Variants in SYNE2 observed in about 807,000 individuals in gnomAD.
SYNE2 encodes nesprin-2.
SYNE2 carries 431 observed loss-of-function variants against 856.3 expected under a neutral mutation model. The observed-to-expected ratio is 0.50, with a 90% CI of 0.47 to 0.55. The LOEUF (loss-of-function observed/expected upper bound fraction) is 0.55. Ranked by LOEUF, SYNE2 falls within the 20% of genes least tolerant of loss-of-function variation. SYNE2 has a pLI of 0.00. For missense variants in SYNE2, 8,129 were observed against 8,023.2 expected, an observed-to-expected ratio of 1.01 and a Z score of -0.50; for synonymous variants, 2,923 against 2,872.3, an observed-to-expected ratio of 1.02 and a Z score of -0.56.
chr14:63,782,467 CAA>C (rs35413633), intron 1 of SYNE2, among the ~76,000 whole-genome samples: 6 of 49,628 alleles, frequency 1.2e-4, no homozygotes, highest in African/African-American at 2.6e-4. Context: ...AACTCCATCT[CAA>C]AAAAAAAAAA....
At chr14:64,134,868 T>C (rs1016844633) in intron 78 of SYNE2, among the ~76,000 whole-genome samples, 6 of 151,390 alleles carry the variant, frequency 4.0e-5, no homozygotes, top group African/African-American at 1.5e-4. Context: ...GTGCCTGTAA[T>C]CCCAGTTACT....
At chr14:63,862,162 G>A (rs1245154363) in intron 1 of SYNE2, among the ~76,000 whole-genome samples, 1 of 152,120 alleles carries the variant, frequency 6.6e-6, no homozygotes, top group Non-Finnish European at 1.5e-5. Flanking sequence ...GCCATTTCCT[G>A]GTTTCCCTTA....
intron 58 of SYNE2, 39 bp from the exon 59 acceptor site, chr14:64,089,535 C>G: frequency 1.3e-6 from 2 of 1,579,268 alleles, no homozygotes; most frequent in Non-Finnish European, 1.7e-6. Context: ...GATTAATATA[C>G]AATATATATT....
chr14:63,865,724 C>CCAAAA (rs1555352398), intron 1 of SYNE2, among the ~76,000 whole-genome samples: 1 of 95,354 alleles, frequency 1.0e-5, no homozygotes, highest in Non-Finnish European at 2.2e-5. Context: ...ACCCCCCCCC[C>CCAAAA]AAAAAAAAAG....
At chr14:63,950,070 C>G in intron 7 of SYNE2, 64 bp downstream of exon 7, 1 of 1,516,514 alleles carries the variant, frequency 6.6e-7, no homozygotes, top group Non-Finnish European at 9.1e-7. Context: ...CACCACCTCA[C>G]CACCCAAACA....
At chr14:64,095,610 G>A (rs757145140) in intron 61 of SYNE2, among the ~76,000 whole-genome samples, 10 of 151,988 alleles carry the variant, frequency 6.6e-5, no homozygotes, top group South Asian at 2.1e-4. Context: ...TTTTTTTCAC[G>A]TAAAAATAGT....
chr14:64,193,208 C>G (rs1246623777), intron 99 of SYNE2, among the ~76,000 whole-genome samples: 1 of 152,198 alleles, frequency 6.6e-6, no homozygotes, highest in Non-Finnish European at 1.5e-5. Flanking sequence ...CCATCCTTCC[C>G]ACAGTATTCT....
intron 21 of SYNE2, among the ~76,000 whole-genome samples, chr14:63,991,555 A>G (rs1214007174): frequency 2.6e-5 from 4 of 152,222 alleles, no homozygotes; most frequent in African/African-American, 9.6e-5. Context: ...GATAAAAGTT[A>G]TTCATGGAAG....
Position 64,126,642 on chromosome 14 carries a change from C to T in SYNE2, c.13752C>T (p.Asp4584=), listed in dbSNP as rs770594903. 7 of 1,614,198 alleles carry T rather than the reference C, an allele frequency of 4.3e-6. No homozygotes were observed. Among genetic ancestry groups the T allele is most frequent in the Non-Finnish European group, 5.1e-6 (6 of 1,180,034 alleles). The change falls in exon 73 of 116, where the codon GAC becomes GAT. Residue 4584 remains aspartate (D), a synonymous_variant. Coordinates refer to ENST00000555002, the MANE Select transcript of SYNE2 (RefSeq NM_182914.3). The part of the protein sequence containing the change: ...ELKKLYLALS[D]KKGDLLKAMT... Reference sequence around the variant, plus strand: ...AGAAACTTTATTTAGCGCTAAGTGACAAGAAGGGTGATCTTTTGAAAGCCA... The same window carrying T: ...AGAAACTTTATTTAGCGCTAAGTGATAAGAAGGGTGATCTTTTGAAAGCCA...
chr14:63,967,497 C>T (rs956457265), intron 10 of SYNE2, among the ~76,000 whole-genome samples: 1 of 152,160 alleles, frequency 6.6e-6, no homozygotes, highest in African/African-American at 2.4e-5. Context: ...ACACAAAGCA[C>T]AGAGTGAGAC....
intron 1 of SYNE2, among the ~76,000 whole-genome samples, chr14:63,779,028 T>TG (rs1566561014): frequency 6.6e-6 from 1 of 151,926 alleles, no homozygotes; most frequent in Non-Finnish European, 1.5e-5. Flanking sequence ...AAGAAAGAAA[T>TG]TAATCAACAG....
At chr14:64,100,898 T>A (rs998560062) in intron 63 of SYNE2, among the ~76,000 whole-genome samples, 1 of 151,688 alleles carries the variant, frequency 6.6e-6, no homozygotes, top group African/African-American at 2.4e-5. Context: ...AGGGAGATGA[T>A]GTGGTATGTG....
chr14:63,895,515 G>A (rs1344219868), intron 1 of SYNE2, among the ~76,000 whole-genome samples: 1 of 150,526 alleles, frequency 6.6e-6, no homozygotes, highest in Non-Finnish European at 1.5e-5. Context: ...GCACTTTGGA[G>A]GCCAAAGTGC....
chr14:64,064,839 C>T (rs1355994848), intron 50 of SYNE2, among the ~76,000 whole-genome samples: 2 of 147,558 alleles, frequency 1.4e-5, no homozygotes, highest in African/African-American at 5.0e-5. Flanking sequence ...CCACTGTGCC[C>T]AGCCACTTAT....
chr14:63,904,437 T>C (rs1473774179), intron 1 of SYNE2, among the ~76,000 whole-genome samples: 1 of 152,178 alleles, frequency 6.6e-6, no homozygotes, highest in Non-Finnish European at 1.5e-5. Flanking sequence ...ACTTTCCCAC[T>C]GACAGTTTAT....
intron 70 of SYNE2, among the ~76,000 whole-genome samples, chr14:64,123,187 C>T (rs1051523651): frequency 1.3e-5 from 2 of 152,278 alleles, no homozygotes; most frequent in South Asian, 2.1e-4. Flanking sequence ...CTACCATGTG[C>T]CAACGCCTGT....
At chr14:63,925,657 C>T (rs2095655471) in intron 2 of SYNE2, among the ~76,000 whole-genome samples, 1 of 152,168 alleles carries the variant, frequency 6.6e-6, no homozygotes, top group Non-Finnish European at 1.5e-5. Context: ...CCTCTACCTG[C>T]ACCTCCAACT....
At chr14:63,923,763 A>G (rs1462005425) in intron 2 of SYNE2, among the ~76,000 whole-genome samples, 1 of 152,062 alleles carries the variant, frequency 6.6e-6, no homozygotes, top group Non-Finnish European at 1.5e-5. Context: ...AGTTTTCAGT[A>G]TACTCACAGA....
chr14:64,185,116 G>A (rs1389607426), intron 96 of SYNE2, among the ~76,000 whole-genome samples: 1 of 152,208 alleles, frequency 6.6e-6, no homozygotes, highest in Non-Finnish European at 1.5e-5. Flanking sequence ...AAATTAGCCA[G>A]TTGTGGTGGT....
Sources: allele counts gnomAD v4.1 joint callset (sites outside exome capture counted in the v4.1 genomes callset), GRCh38; gene constraint gnomAD v4.1.1; transcripts MANE v1.5; gene names NCBI Gene and HGNC (gene_info 2026-07-23, HGNC 2026-07-21).